The following KLHL1 variants were observed in gnomAD, a reference collection of about 807,000 sequenced individuals.
KLHL1 encodes the protein kelch like family member 1.
Under a neutral mutation model 77.7 loss-of-function variants are expected in KLHL1, and 47 were observed. The observed-to-expected ratio is 0.60, with a 90% confidence interval of 0.48 to 0.77. KLHL1 has a LOEUF of 0.77. Among genes scored for constraint, KLHL1 ranks in the 30% least tolerant of loss-of-function variants. The probability of loss-of-function intolerance (pLI) is 0.00; values close to 1 mark genes in which losing one functional copy is unlikely to be tolerated. For missense variants in KLHL1, 925 were observed against 910.8 expected (o/e 1.02, Z -0.20); for synonymous variants, 360 against 325.2 (o/e 1.11, Z -1.15).
chr13:69,925,357 A>T (rs1032178822), intron 4 of KLHL1, among the ~76,000 whole-genome samples: 6 of 152,216 alleles, frequency 3.9e-5, no homozygotes, highest in Non-Finnish European at 7.3e-5. Context: ...TAATATATGT[A>T]AAACACTTAG....
At chr13:69,936,019 A>G (rs1025639599) in intron 4 of KLHL1, among the ~76,000 whole-genome samples, 3 of 152,200 alleles carry the variant, frequency 2.0e-5, no homozygotes, top group African/African-American at 7.2e-5. Context: ...ATGATATCAC[A>G]CAATCCTAAA....
In KLHL1 at chr13:69,839,160, T is replaced by C; in HGVS notation, c.1230A>G (p.Ile410Met). 6.3e-7 allele frequency: 1 copy of C among 1,583,084 alleles called. No homozygotes were observed. The change falls in exon 6 of 11, where the codon ATA (isoleucine) becomes ATG (methionine). Residue 410 changes from isoleucine to methionine, a missense_variant and splice_region_variant. Coordinates refer to ENST00000377844, the MANE Select transcript of KLHL1 (RefSeq NM_020866.3). ...FIRLPLLPPQ[I>M]LADLENHALF... ...ATGCATGATTTTCTAGGTCAGCCAA[T>C]ATCTGTGAATAATACACAATAGCTG... is the stretch of plus-strand genomic sequence containing the variant.
At position 69,844,853 on chromosome 13, in the gene KLHL1, G is replaced by T. The variant is rs141706864; in HGVS notation, c.1228-5691C>A. Reference sequence around the variant, plus strand: ...ATCCCTTCACTTCATATGTACAAAAGAAATTTCTGTTTTCTTAGCACACAT... The same window carrying T: ...ATCCCTTCACTTCATATGTACAAAATAAATTTCTGTTTTCTTAGCACACAT... On this transcript the variant is annotated intron_variant, in intron 5 of 10. Transcript: ENST00000377844. Among the ~76,000 whole-genome samples, 498 of 151,508 alleles carry T rather than the reference G, an allele frequency of 3.3e-3. 4 individuals are homozygous for T. The highest frequency in any genetic ancestry group is 0.012 in the African/African-American group (480 of 41,408).
intron 3 of KLHL1, among the ~76,000 whole-genome samples, chr13:69,959,990 A>G (rs1429200627): frequency 6.6e-6 from 1 of 151,758 alleles, no homozygotes; most frequent in Non-Finnish European, 1.5e-5. Flanking sequence ...TACCTGTATA[A>G]TTTTGTCTAG....
intron 1 of KLHL1, among the ~76,000 whole-genome samples, chr13:70,023,735 T>G (rs1885860844): frequency 6.6e-6 from 1 of 151,916 alleles, no homozygotes; most frequent in Non-Finnish European, 1.5e-5. Flanking sequence ...TTTGTTTGAC[T>G]GCTTTCTCAT....
chr13:69,795,411 C>T (rs1214695573), intron 7 of KLHL1, among the ~76,000 whole-genome samples: 2 of 151,638 alleles, frequency 1.3e-5, no homozygotes, highest in East Asian at 3.9e-4. Context: ...TGCAATTAAA[C>T]TCTGTTATCT....
intron 1 of KLHL1, among the ~76,000 whole-genome samples, chr13:69,997,377 A>G (rs541759996): frequency 6.8e-6 from 1 of 147,876 alleles, no homozygotes; most frequent in South Asian, 2.1e-4. Flanking sequence ...TTTGGTAACT[A>G]TAGGTACGAC....
intron 4 of KLHL1, among the ~76,000 whole-genome samples, chr13:69,884,636 G>A (rs1038060579): frequency 6.6e-6 from 1 of 152,104 alleles, no homozygotes; most frequent in African/African-American, 2.4e-5. Flanking sequence ...TAAAGATACT[G>A]TTCAAGGCAT....
At chr13:69,848,315 G>A (rs984439035) in intron 5 of KLHL1, among the ~76,000 whole-genome samples, 3 of 151,510 alleles carry the variant, frequency 2.0e-5, no homozygotes, top group African/African-American at 7.3e-5. Context: ...GAGTAGATGT[G>A]ATTGCCAACA....
intron 6 of KLHL1, among the ~76,000 whole-genome samples, chr13:69,836,231 A>G (rs1204475178): frequency 6.6e-6 from 1 of 152,018 alleles, no homozygotes; most frequent in African/African-American, 2.4e-5. Flanking sequence ...AAAAGACACA[A>G]ATTGCAGCTC....
chr13:69,947,330 T>C (rs184317030), intron 3 of KLHL1, among the ~76,000 whole-genome samples: 2 of 152,232 alleles, frequency 1.3e-5, no homozygotes, highest in East Asian at 1.9e-4. Context: ...ACCATTTATA[T>C]TGGAAAAGTA....
At chr13:69,832,882 G>T (rs1032012261) in intron 6 of KLHL1, among the ~76,000 whole-genome samples, 2 of 152,262 alleles carry the variant, frequency 1.3e-5, no homozygotes, top group Admixed American at 6.5e-5. Context: ...AACAAATTTT[G>T]TTGGGATAAT....
chr13:69,888,313 C>A (rs1043761424), intron 4 of KLHL1, among the ~76,000 whole-genome samples: 1 of 152,114 alleles, frequency 6.6e-6, no homozygotes, highest in Non-Finnish European at 1.5e-5. Context: ...CAAATCATAG[C>A]AGCATCTCTT....
chr13:69,850,209 C>A (rs1177242827), intron 5 of KLHL1, among the ~76,000 whole-genome samples: 1 of 151,458 alleles, frequency 6.6e-6, no homozygotes, highest in Non-Finnish European at 1.5e-5. Context: ...TTTCCCATTA[C>A]TCTTCTTCCT....
At chr13:69,721,272 C>T (rs766153914) in intron 8 of KLHL1, among the ~76,000 whole-genome samples, 73 of 147,744 alleles carry the variant, frequency 4.9e-4, no homozygotes, top group Admixed American at 1.7e-3. Context: ...CTCCCCATTT[C>T]GATTTGTTCC....
intron 5 of KLHL1, among the ~76,000 whole-genome samples, chr13:69,876,208 T>C (rs1880757608): frequency 6.6e-6 from 1 of 152,204 alleles, no homozygotes; most frequent in African/African-American, 2.4e-5. Context: ...CTGCTCTGTA[T>C]ATTTTCCACT....
chr13:70,080,476 G>C (rs895031094), intron 1 of KLHL1, among the ~76,000 whole-genome samples: 1 of 152,032 alleles, frequency 6.6e-6, no homozygotes, highest in Admixed American at 6.6e-5. Context: ...TGGATGTTCT[G>C]TTTTCACAAG....
chr13:69,837,904 T>C (rs1879092455), intron 6 of KLHL1, among the ~76,000 whole-genome samples: 1 of 151,520 alleles, frequency 6.6e-6, no homozygotes, highest in South Asian at 2.1e-4. Context: ...TATTCATCCA[T>C]GTGATGACAA....
chr13:69,971,275 A>T (rs1016050103), intron 2 of KLHL1, among the ~76,000 whole-genome samples: 5 of 152,098 alleles, frequency 3.3e-5, no homozygotes, highest in Non-Finnish European at 7.4e-5. Flanking sequence ...CCTGGAACAT[A>T]ATCAATGCAG....
Sources: allele counts gnomAD v4.1 joint callset (sites outside exome capture counted in the v4.1 genomes callset), GRCh38; gene constraint gnomAD v4.1.1; transcripts MANE v1.5; gene names NCBI Gene and HGNC (gene_info 2026-07-23, HGNC 2026-07-21).